MATCAP2: variants seen among roughly 807,000 people sequenced by gnomAD.
The protein encoded by MATCAP2 is putative tyrosine carboxypeptidase MATCAP2.
chr7:36,328,999 C>A, the MATCAP2 span, among the ~76,000 whole-genome samples: 1 of 151,828 alleles, frequency 6.6e-6, no homozygotes. Context: ...GCCAAGATCG[C>A]GCCATTGCAC....
At chr7:36,376,697 A>G in the MATCAP2 span, among the ~76,000 whole-genome samples, 1 of 152,132 alleles carries the variant, frequency 6.6e-6, no homozygotes, top group Non-Finnish European at 1.5e-5. Flanking sequence ...GGGGTGTTAA[A>G]GTCTCCCATT....
chr7:36,369,485 TCA>T, the MATCAP2 span, among the ~76,000 whole-genome samples: 7 of 152,212 alleles, frequency 4.6e-5, no homozygotes, highest in Non-Finnish European at 8.8e-5. Context: ...GTTTTTAAAG[TCA>T]CAGTCACTGC....
chr7:36,362,670 TTC>T, the MATCAP2 span, among the ~76,000 whole-genome samples: 2 of 152,166 alleles, frequency 1.3e-5, no homozygotes, highest in South Asian at 2.1e-4. Flanking sequence ...GTTCCTCAAT[TTC>T]TCCACTCCAG....
chr7:36,331,835 C>A, the MATCAP2 span, among the ~76,000 whole-genome samples: 1 of 152,130 alleles, frequency 6.6e-6, no homozygotes, highest in Non-Finnish European at 1.5e-5. Flanking sequence ...AATTCTACCA[C>A]ATGGAGTCAT....
the MATCAP2 span, among the ~76,000 whole-genome samples, chr7:36,385,144 T>C: frequency 3.9e-5 from 6 of 152,184 alleles, no homozygotes; most frequent in Non-Finnish European, 5.9e-5. Context: ...TTTACAGATC[T>C]TTATGTAAGT....
the MATCAP2 span, among the ~76,000 whole-genome samples, chr7:36,345,838 A>G: frequency 2.1e-4 from 32 of 152,168 alleles, no homozygotes; most frequent in African/African-American, 7.5e-4. Context: ...ACAAACAACA[A>G]AAAGATAAGA....
At chr7:36,330,830 A>G in the MATCAP2 span, 203 of 505,856 alleles carry the variant, frequency 4.0e-4, 5 homozygotes, top group East Asian at 5.6e-3. Flanking sequence ...TTACAGAACC[A>G]GATTTCTTCC....
chr7:36,343,594 G>A, the MATCAP2 span, among the ~76,000 whole-genome samples: 2 of 105,402 alleles, frequency 1.9e-5, no homozygotes, highest in African/African-American at 7.2e-5. Flanking sequence ...GAGGGGAGGT[G>A]GAAAGGAAGG....
the MATCAP2 span, chr7:36,333,809 G>C: frequency 2.1e-6 from 3 of 1,448,150 alleles, no homozygotes; most frequent in East Asian, 6.9e-5. Flanking sequence ...AAAATCACTA[G>C]ACAACTAGTC....
At chr7:36,389,793 C>G in the MATCAP2 span, 1 of 735,144 alleles carries the variant, frequency 1.4e-6, no homozygotes, top group Admixed American at 3.0e-5. Context: ...GAGAGGGCGC[C>G]CCGGCTCCGC....
the MATCAP2 span, chr7:36,334,090 CAT>C: frequency 6.2e-7 from 1 of 1,614,102 alleles, no homozygotes; most frequent in East Asian, 2.2e-5. Flanking sequence ...GGCTTTAGCT[CAT>C]GTTTTTTACG....
chr7:36,364,041 AC>A, the MATCAP2 span, among the ~76,000 whole-genome samples: 6 of 149,888 alleles, frequency 4.0e-5, no homozygotes, highest in African/African-American at 7.4e-5. Context: ...GGTATAATAA[AC>A]CCTTTTTTTT....
chr7:36,333,405 T>C, the MATCAP2 span, among the ~76,000 whole-genome samples: 1 of 152,170 alleles, frequency 6.6e-6, no homozygotes, highest in Non-Finnish European at 1.5e-5. Context: ...TGGGTTTCTT[T>C]TGAGGTAATG....
At chr7:36,335,264 A>T in the MATCAP2 span, 1 of 1,217,526 alleles carries the variant, frequency 8.2e-7, no homozygotes, top group Non-Finnish European at 1.2e-6. Flanking sequence ...ATGGGCCTGT[A>T]AATTAACACT....
the MATCAP2 span, among the ~76,000 whole-genome samples, chr7:36,383,483 A>G: frequency 1.3e-5 from 2 of 152,368 alleles, no homozygotes; most frequent in East Asian, 3.9e-4. Flanking sequence ...CTATGCAGCC[A>G]TAAAAAAGGA....
At chr7:36,367,190 C>G in the MATCAP2 span, 3 of 1,188,388 alleles carry the variant, frequency 2.5e-6, no homozygotes, top group East Asian at 1.1e-4. Flanking sequence ...TGCCCAGCAG[C>G]GCTTAGAACC....
chr7:36,328,427 C>G, the MATCAP2 span, among the ~76,000 whole-genome samples: 1 of 152,006 alleles, frequency 6.6e-6, no homozygotes, highest in South Asian at 2.1e-4. Context: ...AATACTCTTC[C>G]AGGCTCAGTA....
At chr7:36,351,581 C>T in the MATCAP2 span, among the ~76,000 whole-genome samples, 1 of 151,966 alleles carries the variant, frequency 6.6e-6, no homozygotes, top group Non-Finnish European at 1.5e-5. Context: ...TTAAATATAT[C>T]TGAGGTTTCC....
the MATCAP2 span, among the ~76,000 whole-genome samples, chr7:36,361,087 G>A: frequency 1.3e-5 from 2 of 152,168 alleles, no homozygotes; most frequent in African/African-American, 2.4e-5. Flanking sequence ...CATTAAAATT[G>A]ATAGTCTATT....
Sources: allele counts gnomAD v4.1 joint callset (sites outside exome capture counted in the v4.1 genomes callset), GRCh38; gene constraint gnomAD v4.1.1; transcripts MANE v1.5; gene names NCBI Gene and HGNC (gene_info 2026-07-23, HGNC 2026-07-21).